Variants in ARCN1 observed in about 807,000 individuals in gnomAD.
The protein encoded by ARCN1 is coatomer subunit delta.
ARCN1 carries 5 observed loss-of-function variants against 60.4 expected under a neutral mutation model. The ratio of observed to expected loss-of-function variants is 0.08; its 90% CI spans 0.04 to 0.17. The LOEUF (loss-of-function observed/expected upper bound fraction) is 0.17. Among genes scored for constraint, ARCN1 ranks in the 10% least tolerant of loss-of-function variants. ARCN1 has a pLI of 1.00. For missense variants in ARCN1, 464 were observed against 626.5 expected, an observed-to-expected ratio of 0.74 and a Z score of 2.77; for synonymous variants, 224 against 220.0, an observed-to-expected ratio of 1.02 and a Z score of -0.16.
chr11:118,590,295 A>G lies in ARCN1; in HGVS notation c.819-46A>G, dbSNP rs562936680. The G allele has an allele frequency of 5.2e-5, 81 of 1,558,182 alleles. No homozygotes were observed. The South Asian group carries it at 8.0e-4, about 15-fold the overall frequency. On this transcript the variant is annotated intron_variant, in intron 5 of 9. Transcript: ENST00000264028. ...TAGGCATGAGCCACCACGCCCGGCC[A>G]TTGGTTTCTACCTTTCTGAACAAAT...
intron 8 of ARCN1, among the ~76,000 whole-genome samples, chr11:118,594,814 T>A (rs1355966099): frequency 6.6e-6 from 1 of 151,432 alleles, no homozygotes; most frequent in African/African-American, 2.4e-5. Flanking sequence ...CCTCCCAAAG[T>A]GCTGGGATTA....
chr11:118,579,953 A>G (rs1384953219), intron 1 of ARCN1, among the ~76,000 whole-genome samples: 9 of 152,220 alleles, frequency 5.9e-5, no homozygotes, highest in African/African-American at 1.4e-4. Flanking sequence ...ATCCCAAGTC[A>G]TAAAAACCCA....
rs781867746 is a variant in ARCN1 at position 118,583,277 on chromosome 11, G to C, written c.366G>C (p.Arg122=). 2 of 1,614,154 alleles carry C rather than the reference G, an allele frequency of 1.2e-6. No homozygotes were observed. The highest frequency in any genetic ancestry group is 8.5e-7 in the Non-Finnish European group (1 of 1,180,026). The change falls in exon 3 of 10, where the codon CGG becomes CGC. Residue 122 remains arginine, a synonymous_variant. Coordinates refer to ENST00000264028, the MANE Select transcript of ARCN1 (RefSeq NM_001655.5). ...AFDEIVALGY[R]ENVNLAQIRT... ...ATGAAATTGTCGCACTGGGATACCG[G>C]GAGAATGTTAACTTGGCACAGATCA...
chr11:118,597,293 CA>C (rs2135556118), intron 8 of ARCN1, among the ~76,000 whole-genome samples: 1 of 152,334 alleles, frequency 6.6e-6, no homozygotes, highest in African/African-American at 2.4e-5. Context: ...CCACTATTAT[CA>C]ATCTGCTTGT....
At chr11:118,588,232 G>T (rs1362026366) in intron 5 of ARCN1, among the ~76,000 whole-genome samples, 3 of 152,190 alleles carry the variant, frequency 2.0e-5, no homozygotes, top group African/African-American at 4.8e-5. Flanking sequence ...ACACAGCAAG[G>T]CCTGTCCAAA....
At chr11:118,600,542 G>T in intron 9 of ARCN1, 83 bp from the exon 10 acceptor site, 1 of 868,376 alleles carries the variant, frequency 1.2e-6, no homozygotes, top group Non-Finnish European at 1.8e-6. Flanking sequence ...TAGGGAAATT[G>T]ATATGTTCTG....
At chr11:118,573,950 T>C (rs902355450) in intron 1 of ARCN1, among the ~76,000 whole-genome samples, 19 of 152,234 alleles carry the variant, frequency 1.2e-4, no homozygotes, top group South Asian at 2.1e-4. Context: ...TTTTAGAGCA[T>C]ATTTTTATTT....
At position 118,601,604 on chromosome 11, in the gene ARCN1, A is replaced by G. The variant is rs565296319; in HGVS notation, c.*890A>G. 4 of 702,618 alleles carry G rather than the reference A, an allele frequency of 5.7e-6. No homozygotes were observed. The East Asian group carries it at 1.1e-4, about 19-fold the overall frequency. 43.5% of individuals were successfully genotyped at this position (702,618 alleles called of 1,614,324 possible). ...GATTTTTGGACTATTCAGGTGAACT[A>G]TTTGAGGGGTATGGGGTCTAGAAGT... On this transcript the variant is annotated 3_prime_UTR_variant, in exon 10 of 10. Coordinates refer to ENST00000264028, the MANE Select transcript of ARCN1 (RefSeq NM_001655.5).
intron 1 of ARCN1, among the ~76,000 whole-genome samples, chr11:118,573,230 G>T (rs1423857052): frequency 1.3e-5 from 2 of 152,146 alleles, no homozygotes; most frequent in Non-Finnish European, 2.9e-5. Flanking sequence ...ATGTGAGCAG[G>T]TTCCAGAGAA....
chr11:118,597,934 A>G, intron 9 of ARCN1, 23 bp downstream of exon 9: 2 of 1,611,960 alleles, frequency 1.2e-6, no homozygotes, highest in Non-Finnish European at 1.7e-6. Context: ...AGTTGAGAAC[A>G]TATATAGGGA....
chr11:118,589,303 T>C (rs569069481), intron 5 of ARCN1, among the ~76,000 whole-genome samples: 2 of 152,218 alleles, frequency 1.3e-5, no homozygotes, highest in East Asian at 3.9e-4. Flanking sequence ...TGGAAAAGGG[T>C]ATATATGTCT....
At chr11:118,590,305 A>T (rs1235675506) in intron 5 of ARCN1, 36 bp from the exon 6 acceptor site, 2 of 1,586,400 alleles carry the variant, frequency 1.3e-6, no homozygotes, top group Non-Finnish European at 1.7e-6. Flanking sequence ...ATTGGTTTCT[A>T]CCTTTCTGAA....
chr11:118,581,921 G>GACACACACACACAC (rs1938658019), intron 2 of ARCN1, among the ~76,000 whole-genome samples: 1 of 117,202 alleles, frequency 8.5e-6, no homozygotes, highest in Non-Finnish European at 1.9e-5. Flanking sequence ...CTGATCCAGA[G>GACACACACACACAC]ACAGACAGAC....
rs116270429 is a variant in ARCN1 at position 118,591,042 on chromosome 11, T to C, written c.984+536T>C. ...CCAGGCGTGGTGGCACAATGCGAAA[T>C]TTACTCATTCTGCTATTAAATAAAC... On this transcript the variant is annotated intron_variant, in intron 6 of 9. Coordinates refer to ENST00000264028, the MANE Select transcript of ARCN1 (RefSeq NM_001655.5). 7.8e-3 allele frequency among the ~76,000 whole-genome samples: 1,189 copies of C among 152,310 alleles called. 15 individuals are homozygous for C. The highest frequency in any genetic ancestry group is 0.027 in the African/African-American group (1,122 of 41,566).
chr11:118,588,374 C>A (rs1476085959), intron 5 of ARCN1, among the ~76,000 whole-genome samples: 1 of 152,134 alleles, frequency 6.6e-6, no homozygotes, highest in Non-Finnish European at 1.5e-5. Context: ...CTAAGGGCTG[C>A]TCCTGAGGCC....
chr11:118,573,717 G>T (rs1338458180), intron 1 of ARCN1: 1 of 695,926 alleles, frequency 1.4e-6, no homozygotes, highest in Non-Finnish European at 2.6e-6. Context: ...CTTTAGATAA[G>T]AACTTGGATA....
At chr11:118,576,719 G>C (rs926827241) in intron 1 of ARCN1, among the ~76,000 whole-genome samples, 20 of 152,250 alleles carry the variant, frequency 1.3e-4, no homozygotes, top group African/African-American at 4.6e-4. Flanking sequence ...TCAACTGCCT[G>C]GAACCTGTAA....
intron 1 of ARCN1, among the ~76,000 whole-genome samples, chr11:118,575,624 T>C (rs1015882574): frequency 6.6e-6 from 1 of 152,218 alleles, no homozygotes; most frequent in Non-Finnish European, 1.5e-5. Flanking sequence ...CTGACAATTA[T>C]AGAAACTAGC....
At chr11:118,586,834 A>G (rs1938789349) in intron 5 of ARCN1, among the ~76,000 whole-genome samples, 2 of 148,670 alleles carry the variant, frequency 1.3e-5, no homozygotes, top group South Asian at 4.3e-4. Context: ...CCTGGGCGAC[A>G]GAGTGAGACT....
Sources: gnomAD v4.1 joint callset for allele counts (sites outside exome capture counted in the v4.1 genomes callset) on GRCh38, gnomAD v4.1.1 for gene constraint, MANE v1.5 for transcripts, NCBI Gene and HGNC (gene_info 2026-07-23, HGNC 2026-07-21) for gene names.